TRPM1: variants seen among roughly 807,000 people sequenced by gnomAD.
The protein encoded by TRPM1 is TRPM1-203 APA Isoform, Intron 10.
Under a neutral mutation model 149.4 loss-of-function variants are expected in TRPM1, and 113 were observed. The observed-to-expected ratio is 0.76, with a 90% confidence interval of 0.65 to 0.88. TRPM1 has a LOEUF of 0.88. TRPM1 is among the 40% of genes least tolerant of loss of function. TRPM1 has a pLI of 0.00. For missense variants in TRPM1, 1,976 were observed against 2,038.7 expected, an observed-to-expected ratio of 0.97 and a Z score of 0.59; for synonymous variants, 741 against 759.5, an observed-to-expected ratio of 0.98 and a Z score of 0.40.
chr15:31,067,230 C>T (rs755346508), intron 5 of TRPM1, 43 bp from the exon 6 acceptor site: 2 of 1,614,038 alleles, frequency 1.2e-6, no homozygotes, highest in African/African-American at 2.7e-5. Flanking sequence ...TTTTACTTCC[C>T]AGCACACCAT....
chr15:31,040,066 A>G lies in TRPM1; in HGVS notation c.2316+52T>C. 1 of 1,525,026 alleles carries G rather than the reference A, an allele frequency of 6.6e-7. No homozygotes were observed. The highest frequency in any genetic ancestry group is 1.1e-5 in the South Asian group (1 of 89,334). 94.5% of individuals were successfully genotyped at this position (1,525,026 alleles called of 1,614,324 possible). On this transcript the variant is annotated intron_variant, in intron 18 of 27. Coordinates refer to ENST00000256552, the MANE Select transcript of TRPM1 (RefSeq NM_001252024.2). This position sits in a 1 kb window ranked among gnomAD's most constrained non-coding sequence, Gnocchi z 4.2. ...GAAAGTGCTCAGTTCAGCCTGGCAG[A>G]GAGTCACTTGTCACTGTCACCCTGG...
intron 1 of TRPM1, among the ~76,000 whole-genome samples, chr15:31,120,273 A>G (rs184542167): frequency 1.6e-3 from 240 of 152,164 alleles, no homozygotes; most frequent in Non-Finnish European, 2.9e-3. Flanking sequence ...AATTCCAGGT[A>G]AAGCAGAAAA....
intron 27 of TRPM1, among the ~76,000 whole-genome samples, chr15:31,008,184 A>C (rs1398995789): frequency 3.3e-5 from 5 of 152,192 alleles, no homozygotes; most frequent in African/African-American, 1.2e-4. Context: ...AAGACAGAAG[A>C]CTTTTTTTCC....
At chr15:31,105,553 T>C (rs2035595943), upstream of TRPM1, among the ~76,000 whole-genome samples, 1 of 152,210 alleles carries the variant, frequency 6.6e-6, no homozygotes, top group Non-Finnish European at 1.5e-5. Context: ...GGGATTTTAC[T>C]TAACTTCCTT....
At chr15:31,053,602 G>C (rs571444345) in intron 11 of TRPM1, among the ~76,000 whole-genome samples, 1 of 152,312 alleles carries the variant, frequency 6.6e-6, no homozygotes, top group South Asian at 2.1e-4. Context: ...AATGACAAAT[G>C]TTTGTGAAAA....
intron 11 of TRPM1, among the ~76,000 whole-genome samples, chr15:31,051,090 G>C (rs1326722853): frequency 1.3e-5 from 2 of 152,188 alleles, no homozygotes; most frequent in African/African-American, 4.8e-5. Context: ...CTTATCGGCG[G>C]GTAAAGAAGC....
intron 3 of TRPM1, chr15:31,070,520 A>C (rs1178562956): frequency 3.2e-6 from 2 of 629,548 alleles, no homozygotes; most frequent in Non-Finnish European, 5.9e-6. Flanking sequence ...CAAGTACTAA[A>C]CATTCTGTGA....
chr15:31,008,860 G>A (rs749365237), intron 27 of TRPM1, among the ~76,000 whole-genome samples: 1 of 152,166 alleles, frequency 6.6e-6, no homozygotes, highest in South Asian at 2.1e-4. Context: ...TTGTGCTGCA[G>A]TTGTCATATA....
chr15:31,132,586 G>A (rs1321441921), intron 1 of TRPM1, among the ~76,000 whole-genome samples: 1 of 152,230 alleles, frequency 6.6e-6, no homozygotes, highest in African/African-American at 2.4e-5. Flanking sequence ...AAGCCACACT[G>A]TGGTGGGTTC....
chr15:31,053,846 T>C (rs1268187226), intron 11 of TRPM1, among the ~76,000 whole-genome samples: 1 of 152,236 alleles, frequency 6.6e-6, no homozygotes, highest in Admixed American at 6.5e-5. Flanking sequence ...TGTCCACTGA[T>C]GGATGCTTGG....
Position 31,067,320 on chromosome 15 carries a change from A to G in TRPM1, c.494-133T>C, listed in dbSNP as rs1396816946. ...GGGGTGAGACACACTCATCTTTATC[A>G]TTAAAACAAAGTACACTGAAAGTCT... is the stretch of plus-strand genomic sequence containing the variant. On this transcript the variant is annotated intron_variant, in intron 5 of 27. Transcript: ENST00000256552. The G allele has an allele frequency of 5.3e-6, 7 of 1,326,470 alleles. No individual in the cohort carries two copies. The South Asian group carries it at 5.9e-5, about 11-fold the overall frequency. The allele number at this position is 1,326,470 out of a possible 1,614,324, so 82.2% of individuals were successfully genotyped here.
rs756474274 is a variant in TRPM1 at position 31,001,875 on chromosome 15, C to A, written c.4825G>T (p.Ala1609Ser). 7.4e-6 allele frequency: 12 copies of A among 1,612,626 alleles called. No individual in the cohort carries two copies. The Admixed American group carries it at 2.0e-4, about 27-fold the overall frequency. Residue 1609 changes from alanine to serine, a missense_variant, in exon 28 of 28, where the codon GCA becomes TCA. Coordinates refer to ENST00000256552, the MANE Select transcript of TRPM1 (RefSeq NM_001252024.2). Reference protein sequence around the residue: ...SSLVIVSGMTAEEKKVKKEKA... With the variant: ...SSLVIVSGMTSEEKKVKKEKA... ...TCTTTCTTAACCTTTTTTTCTTCTG[C>A]TGTCATTCCAGACACAATTACTAAG...
At chr15:31,127,853 G>C (rs933501971) in intron 1 of TRPM1, among the ~76,000 whole-genome samples, 19 of 152,314 alleles carry the variant, frequency 1.2e-4, no homozygotes, top group African/African-American at 3.6e-4. Context: ...ACAAGGACGC[G>C]AACCAGTGGG....
rs2033581712 is a variant in TRPM1 at position 31,040,560 on chromosome 15, G to C, written c.2088-214C>G. 6.6e-6 allele frequency among the ~76,000 whole-genome samples: 1 copy of C among 152,262 alleles called. No homozygotes were observed. The highest frequency in any genetic ancestry group is 1.9e-4 in the East Asian group (1 of 5,204). On this transcript the variant is annotated intron_variant, in intron 17 of 27. Transcript: ENST00000256552. This position sits in a 1 kb window ranked among gnomAD's most constrained non-coding sequence, Gnocchi z 4.2. ...TGGGAGCTCAGTCAGGAGGTGGGCT[G>C]ACTGCTACTGCTGCAAATGGAGCTG... is the stretch of plus-strand genomic sequence containing the variant.
chr15:31,149,718 A>C (rs563955549), intron 1 of TRPM1, among the ~76,000 whole-genome samples: 37 of 152,008 alleles, frequency 2.4e-4, no homozygotes, highest in Non-Finnish European at 4.7e-4. Flanking sequence ...ACGGGGTTTC[A>C]CCGTGTTAGC....
Position 31,003,083 on chromosome 15 carries a change from A to G in TRPM1, c.3630-13T>C, listed in dbSNP as rs1371237730. Reference sequence around the variant, plus strand: ...CATATTTTCAACTCTGGTGAATATAAAGGGATAGATTTATTAAACTGAGAT... The same window carrying G: ...CATATTTTCAACTCTGGTGAATATAGAGGGATAGATTTATTAAACTGAGAT... On this transcript the variant is annotated splice_polypyrimidine_tract_variant and intron_variant, in intron 27 of 27. Transcript: ENST00000256552. 1 of 1,594,360 alleles carries G rather than the reference A, an allele frequency of 6.3e-7. No individual in the cohort carries two copies. The highest frequency in any genetic ancestry group is 8.5e-7 in the Non-Finnish European group (1 of 1,171,676).
At chr15:31,155,717 G>T (rs1019104238) in intron 1 of TRPM1, among the ~76,000 whole-genome samples, 17 of 152,256 alleles carry the variant, frequency 1.1e-4, no homozygotes, top group African/African-American at 4.1e-4. Context: ...GGGGGAGAGA[G>T]AGAGAGAATG....
At chr15:31,010,256 G>C (rs1045782361) in intron 27 of TRPM1, among the ~76,000 whole-genome samples, 2 of 152,196 alleles carry the variant, frequency 1.3e-5, no homozygotes, top group Non-Finnish European at 2.9e-5. Context: ...TGATTCCAAT[G>C]CCAGTTCAGT....
chr15:31,114,071 A>G (rs915037675), intron 1 of TRPM1, among the ~76,000 whole-genome samples: 1 of 151,926 alleles, frequency 6.6e-6, no homozygotes, highest in Non-Finnish European at 1.5e-5. Context: ...TCCTCTAGCT[A>G]GACAGAAAAG....
Sources: allele counts gnomAD v4.1 joint callset (sites outside exome capture counted in the v4.1 genomes callset), GRCh38; gene constraint gnomAD v4.1.1; non-coding constraint Gnocchi (gnomAD v3.1); transcripts MANE v1.5; gene names NCBI Gene and HGNC (gene_info 2026-07-23, HGNC 2026-07-21).